HPCAL1: variants seen among roughly 807,000 people sequenced by gnomAD.
HPCAL1 encodes the protein hippocalcin like 1.
Under a neutral mutation model 17.1 loss-of-function variants are expected in HPCAL1, and 8 were observed. The observed-to-expected ratio is 0.47, with a 90% CI of 0.27 to 0.84. HPCAL1 has a LOEUF of 0.84. Among genes scored for constraint, HPCAL1 ranks in the 40% least tolerant of loss-of-function variants. HPCAL1 has a pLI of 0.13. For synonymous variants in HPCAL1, 112 were observed against 111.4 expected (o/e 1.01, Z -0.03); for missense variants, 165 against 271.1 (o/e 0.61, Z 2.75).
intron 2 of HPCAL1, among the ~76,000 whole-genome samples, chr2:10,399,223 C>T (rs1239773332): frequency 2.7e-4 from 22 of 80,124 alleles, no homozygotes; most frequent in Non-Finnish European, 4.2e-4. Context: ...ACCACCACCA[C>T]CACCACCACC....
chr2:10,417,331 C>T (rs773852691), intron 2 of HPCAL1, among the ~76,000 whole-genome samples: 4 of 151,694 alleles, frequency 2.6e-5, no homozygotes, highest in Non-Finnish European at 5.9e-5. Context: ...CCATTGCACT[C>T]CAACCTGGGT....
chr2:10,326,085 C>T (rs942426477), intron 1 of HPCAL1, among the ~76,000 whole-genome samples: 1 of 152,224 alleles, frequency 6.6e-6, no homozygotes, highest in Non-Finnish European at 1.5e-5. Context: ...CAGGCCTGTC[C>T]GTCATCCTCT....
chr2:10,399,817 C>T lies in HPCAL1; in HGVS notation c.-25+2897C>T, dbSNP rs956825613. On this transcript the variant is annotated intron_variant, in intron 2 of 4. Transcript: ENST00000307845. ...AGTCCCAGCCTCCCCTACCAGCCTC[C>T]CTCTCCACGTCCCCAGACACTCATG... is the stretch of plus-strand genomic sequence containing the variant. Among the ~76,000 whole-genome samples, 4 of 152,258 alleles carry T rather than the reference C, an allele frequency of 2.6e-5. No homozygotes were observed. In the South Asian group the frequency reaches 8.3e-4, roughly 32 times the overall value.
intron 1 of HPCAL1, among the ~76,000 whole-genome samples, chr2:10,316,196 T>C (rs1291125615): frequency 6.6e-6 from 1 of 152,212 alleles, no homozygotes; most frequent in African/African-American, 2.4e-5. Context: ...TTTAATGAAG[T>C]GGTTTGATGT....
intron 1 of HPCAL1, among the ~76,000 whole-genome samples, chr2:10,360,478 C>T (rs1221557908): frequency 6.6e-6 from 1 of 151,926 alleles, no homozygotes; most frequent in Non-Finnish European, 1.5e-5. Context: ...GTGGCACGAT[C>T]TCTGTTCACT....
At position 10,304,424 on chromosome 2, in the gene HPCAL1, C is replaced by T. The variant is rs188167785; in HGVS notation, c.-111+1247C>T. Among the ~76,000 whole-genome samples the T allele has an allele frequency of 2.4e-5, 2 of 82,788 alleles. No individual in the cohort carries two copies. The highest frequency in any genetic ancestry group is 4.8e-5 in the Non-Finnish European group (2 of 41,474). The allele number at this position is 82,788 out of a possible 152,430, so 54.3% of individuals were successfully genotyped here. ...TTCCTCCTGGCTGACCCCAATTCCA[C>T]CAGAGGAGGATGTTTGCCAGGGACG... On this transcript the variant is annotated intron_variant, in intron 1 of 4. Coordinates refer to ENST00000307845, the MANE Select transcript of HPCAL1 (RefSeq NM_002149.4). This position sits in a 1 kb window ranked among gnomAD's most constrained non-coding sequence, Gnocchi z 4.1.
intron 1 of HPCAL1, among the ~76,000 whole-genome samples, chr2:10,320,938 A>G (rs943403422): frequency 3.9e-5 from 6 of 152,232 alleles, no homozygotes; most frequent in Admixed American, 2.6e-4. Flanking sequence ...ACTGTGGAAA[A>G]CAATACATTA....
At chr2:10,399,550 C>T (rs1319377596) in intron 2 of HPCAL1, among the ~76,000 whole-genome samples, 7 of 114,892 alleles carry the variant, frequency 6.1e-5, no homozygotes, top group Non-Finnish European at 1.1e-4. Context: ...ACCATCACCG[C>T]CACCACTACC....
In HPCAL1 at chr2:10,344,592, T is replaced by TA. The variant is rs1421511047; in HGVS notation, c.-111+41416dup. The stretch of plus-strand genomic sequence containing the variant: ...ATCGGGGCATCTGCAGCCACTATTA[T>TA]ACCATCTGGCAGCTCAGAAATATTT... On this transcript the variant is annotated intron_variant, in intron 1 of 4. Transcript: ENST00000307845. This position sits in a 1 kb window ranked among gnomAD's most constrained non-coding sequence, Gnocchi z 4.9. Among the ~76,000 whole-genome samples the TA allele has an allele frequency of 6.6e-6, 1 of 152,242 alleles. No homozygotes were observed.
intron 1 of HPCAL1, among the ~76,000 whole-genome samples, chr2:10,360,040 G>A (rs1378967011): frequency 2.6e-5 from 4 of 152,144 alleles, no homozygotes; most frequent in Non-Finnish European, 5.9e-5. Context: ...GACCCAGCAC[G>A]GGCTCCTGGC....
rs1454414973 is a variant in HPCAL1 at position 10,344,611 on chromosome 2, A to G, written c.-111+41434A>G. ...CTATTATACCATCTGGCAGCTCAGA[A>G]ATATTTTATAATCAAATGAGTAAGA... On this transcript the variant is annotated intron_variant, in intron 1 of 4. Coordinates refer to ENST00000307845, the MANE Select transcript of HPCAL1 (RefSeq NM_002149.4). This position sits in a 1 kb window ranked among gnomAD's most constrained non-coding sequence, Gnocchi z 4.9. 6.6e-6 allele frequency among the ~76,000 whole-genome samples: 1 copy of G among 152,200 alleles called. No homozygotes were observed. Among genetic ancestry groups the G allele is most frequent in the Non-Finnish European group, 1.5e-5 (1 of 68,032 alleles).
Position 10,365,109 on chromosome 2 carries a change from C to T in HPCAL1, c.-110-31726C>T, listed in dbSNP as rs1255154984. On this transcript the variant is annotated intron_variant, in intron 1 of 4. Coordinates refer to ENST00000307845, the MANE Select transcript of HPCAL1 (RefSeq NM_002149.4). This position sits in a 1 kb window ranked among gnomAD's most constrained non-coding sequence, Gnocchi z 4.8. ...GTGGAAGGGATTCATGTACCCCTAT[C>T]CCCATCCCTAAATGAGAGTGTCCAC... Among the ~76,000 whole-genome samples, 1 of 152,176 alleles carries T rather than the reference C, an allele frequency of 6.6e-6. No homozygotes were observed.
chr2:10,350,462 C>T (rs1486507277), intron 1 of HPCAL1, among the ~76,000 whole-genome samples: 25 of 151,960 alleles, frequency 1.6e-4, no homozygotes, highest in Admixed American at 1.6e-3. Context: ...TAGGTGCATG[C>T]CACCATGCCT....
intron 4 of HPCAL1, chr2:10,426,502 C>T (rs1335110841): frequency 1.9e-6 from 1 of 540,038 alleles, no homozygotes; most frequent in Non-Finnish European, 3.3e-6. Context: ...CTGGGTAAGC[C>T]CTTTGAGGTA....
At position 10,354,168 on chromosome 2, in the gene HPCAL1, GC is replaced by G. The variant is rs1487587490; in HGVS notation, c.-110-42666del. 1 of 152,118 alleles carries G rather than the reference GC, an allele frequency of 6.6e-6. No homozygotes were observed. The highest frequency in any genetic ancestry group is 1.5e-5 in the Non-Finnish European group (1 of 68,036). The allele number at this position is 152,118 out of a possible 1,614,324, so 9.4% of individuals were successfully genotyped here. On this transcript the variant is annotated intron_variant, in intron 1 of 4. Coordinates refer to ENST00000307845, the MANE Select transcript of HPCAL1 (RefSeq NM_002149.4). This position sits in a 1 kb window ranked among gnomAD's most constrained non-coding sequence, Gnocchi z 5.1. Reference sequence around the variant, plus strand: ...CTACTGCTTAATCCTTCCTTAACTTGCTCTTCCTGAAGCCTCAACTCACTCA... The same window carrying G: ...CTACTGCTTAATCCTTCCTTAACTTGTCTTCCTGAAGCCTCAACTCACTCA...
chr2:10,333,668 A>G (rs72771673), intron 1 of HPCAL1, among the ~76,000 whole-genome samples: 9,021 of 152,232 alleles, frequency 0.059, 592 homozygotes, highest in East Asian at 0.34. Flanking sequence ...TCTTTACCCA[A>G]ATATTCTATG....
intron 1 of HPCAL1, among the ~76,000 whole-genome samples, chr2:10,360,324 T>C (rs1301944679): frequency 6.6e-6 from 1 of 151,990 alleles, no homozygotes; most frequent in African/African-American, 2.4e-5. Flanking sequence ...GAGACTTCTC[T>C]CACAAAGCGA....
chr2:10,407,576 G>C (rs1157178961), intron 2 of HPCAL1, among the ~76,000 whole-genome samples: 4 of 152,238 alleles, frequency 2.6e-5, no homozygotes, highest in South Asian at 2.1e-4. Context: ...TATAGTGCCA[G>C]GTGGCAGGAA....
intron 1 of HPCAL1, among the ~76,000 whole-genome samples, chr2:10,385,938 C>A (rs1668282970): frequency 2.0e-5 from 3 of 152,162 alleles, no homozygotes. Flanking sequence ...GGCTTTTCTT[C>A]CTGCTCTGCC....
Sources: allele counts gnomAD v4.1 joint callset (sites outside exome capture counted in the v4.1 genomes callset), GRCh38; gene constraint gnomAD v4.1.1; non-coding constraint Gnocchi (gnomAD v3.1); transcripts MANE v1.5; gene names NCBI Gene and HGNC (gene_info 2026-07-23, HGNC 2026-07-21).